The following CLCN4 variants were observed in gnomAD, a reference collection of about 807,000 sequenced individuals.
CLCN4 encodes Cl-/H+ antiporter 4, also known as H(+)/Cl(-) exchange transporter 4.
In CLCN4, 1 loss-of-function variant was observed where a neutral mutation model predicts 41.7. The observed-to-expected ratio is 0.02, with a 90% CI of 0.01 to 0.11. The LOEUF is 0.11. Among genes scored for constraint, CLCN4 ranks in the 10% least tolerant of loss-of-function variants. The pLI is 1.00. For missense variants in CLCN4, 287 were observed against 661.0 expected (o/e 0.43, Z 6.20); for synonymous variants, 277 against 285.8 (o/e 0.97, Z 0.31).
At chrX:10,166,294 C>T (rs1923248314) in intron 2 of CLCN4, among the ~76,000 whole-genome samples, 1 of 112,477 alleles carries the variant, frequency 8.9e-6, no homozygotes, top group Non-Finnish European at 1.9e-5. Flanking sequence ...CCCTTCATCT[C>T]AGACTTCTGG....
rs779080583 is a variant in CLCN4 at position 10,197,980 on chromosome X, A to G, written c.474A>G (p.Leu158=). Residue 158 remains leucine, a synonymous_variant, in exon 6 of 13, where the codon CTA becomes CTG. Coordinates refer to ENST00000380833, the MANE Select transcript of CLCN4 (RefSeq NM_001830.4). ...TTCTGAATTACTTAATGTACATCCT[A>G]TGGGCGCTGCTGTTTGCATTTTTGG... is the stretch of plus-strand genomic sequence containing the variant. ...AYILNYLMYI[L]WALLFAFLAV... is the part of the protein sequence containing the mutation. The G allele has an allele frequency of 1.5e-5, 18 of 1,207,655 alleles. No homozygotes were observed. The highest frequency in any genetic ancestry group is 2.0e-5 in the Non-Finnish European group (18 of 894,018).
At chrX:10,216,918 T>TATATATATATATACACACACAC (rs773265490) in intron 11 of CLCN4, among the ~76,000 whole-genome samples, 886 of 38,782 alleles carry the variant, frequency 0.023, 33 homozygotes, top group South Asian at 0.034. Flanking sequence ...TATATATATA[T>TATATATATATATACACACACAC]ACACACACAC....
chrX:10,187,394 CT>C, intron 3 of CLCN4, 120 bp from the exon 4 acceptor site: 2 of 529,304 alleles, frequency 3.8e-6, no homozygotes, highest in Non-Finnish European at 6.5e-6. Context: ...GGGAATTTAG[CT>C]GCTTGATGAC....
intron 2 of CLCN4, among the ~76,000 whole-genome samples, chrX:10,165,276 G>A (rs1923219104): frequency 8.9e-6 from 1 of 112,838 alleles, no homozygotes; most frequent in Admixed American, 9.3e-5. Context: ...GTAGATGTGA[G>A]ACCGGAGCCT....
intron 11 of CLCN4, among the ~76,000 whole-genome samples, chrX:10,219,394 G>T (rs1427346165): frequency 8.9e-6 from 1 of 112,213 alleles, no homozygotes; most frequent in Non-Finnish European, 1.9e-5. Flanking sequence ...GAATCATCTT[G>T]GTTTAGGAGA....
At chrX:10,216,989 T>C (rs374737653) in intron 11 of CLCN4, among the ~76,000 whole-genome samples, 32 of 98,873 alleles carry the variant, frequency 3.2e-4, no homozygotes, top group African/African-American at 1.1e-3. Flanking sequence ...CAATCTGCTT[T>C]TTCTTCTGTA....
At chrX:10,198,917 T>C (rs752722660) in intron 6 of CLCN4, among the ~76,000 whole-genome samples, 4 of 112,459 alleles carry the variant, frequency 3.6e-5, no homozygotes, top group African/African-American at 1.3e-4. Flanking sequence ...TTTGAAGATG[T>C]AGTTGTGGGC....
In CLCN4 at chrX:10,194,953, C is replaced by T. The variant is rs184264157; in HGVS notation, c.287C>T (p.Thr96Met). 48 of 1,209,478 alleles carry T rather than the reference C, an allele frequency of 4.0e-5. No homozygotes were observed. In the South Asian group the frequency reaches 4.0e-4, roughly 10 times the overall value. ...ATCGATCTCGCCGTGGACTGGATGA[C>T]GGACCTGAAGGAGGGGGTCTGCCTG... Reference protein sequence around the residue: ...GVIDLAVDWMTDLKEGVCLSA... With the variant: ...GVIDLAVDWMMDLKEGVCLSA... Residue 96 changes from threonine to methionine, a missense_variant, in exon 5 of 13, where the codon ACG becomes ATG. Thr to Met is a moderately conservative substitution (Grantham distance 81). Around this residue, in one of 6 missense-constraint regions of CLCN4, gnomAD observed 90 missense variants for 209.8 expected, o/e 0.43. Coordinates refer to ENST00000380833, the MANE Select transcript of CLCN4 (RefSeq NM_001830.4).
At chrX:10,163,653 G>A (rs898320202) in intron 2 of CLCN4, among the ~76,000 whole-genome samples, 7 of 111,687 alleles carry the variant, frequency 6.3e-5, no homozygotes, top group Non-Finnish European at 1.3e-4. Flanking sequence ...GGATGTGCCC[G>A]CCTCGGCCTC....
At chrX:10,164,908 G>A (rs899359893) in intron 2 of CLCN4, among the ~76,000 whole-genome samples, 3 of 112,340 alleles carry the variant, frequency 2.7e-5, no homozygotes, top group African/African-American at 9.7e-5. Context: ...CGGTGGCTCC[G>A]GTGATTCTGG....
chrX:10,208,734 T>A, intron 9 of CLCN4, 144 bp downstream of exon 9: 1 of 475,221 alleles, frequency 2.1e-6, no homozygotes, highest in Non-Finnish European at 3.5e-6. Context: ...TTGACATTCC[T>A]TTAATCAATA....
intron 2 of CLCN4, among the ~76,000 whole-genome samples, chrX:10,181,330 C>G (rs76491332): frequency 0.29 from 30,857 of 106,324 alleles, 3,918 homozygotes; most frequent in African/African-American, 0.47. Flanking sequence ...CTGCACTCTA[C>G]TGTGGGTGAC....
rs1015209935 is a variant in CLCN4, at chrX:10,185,042, G to T, written c.10G>T (p.Ala4Ser). Residue 4 changes from alanine (A) to serine (S), a missense_variant, in exon 3 of 13, where the codon GCG becomes TCG. Transcript: ENST00000380833. ...CCCAGGTGTAATTAGCATGGTCAAT[G>T]CGGGAGCGATGAGTGGCTCTGGAAA... is the stretch of plus-strand genomic sequence containing the variant. MVNAGAMSGSGNLM... is the reference protein window; with the variant it reads MVNSGAMSGSGNLM... 1.7e-6 allele frequency: 2 copies of T among 1,208,053 alleles called. No individual in the cohort carries two copies. Among genetic ancestry groups the T allele is most frequent in the Admixed American group, 2.2e-5 (1 of 45,784 alleles).
intron 2 of CLCN4, among the ~76,000 whole-genome samples, chrX:10,164,143 G>A (rs1045024902): frequency 4.5e-5 from 5 of 112,260 alleles, no homozygotes; most frequent in Admixed American, 2.8e-4. Flanking sequence ...ACGCTGGTCA[G>A]GGAGGGCAAG....
intron 6 of CLCN4, among the ~76,000 whole-genome samples, chrX:10,204,613 C>CTTT (rs61453535): frequency 0.057 from 1,563 of 27,311 alleles, 623 homozygotes; most frequent in Non-Finnish European, 0.11. Flanking sequence ...AGCTAGTAGT[C>CTTT]TTTTTTTTTT....
At chrX:10,224,487 G>A (rs1171118976) in intron 12 of CLCN4, among the ~76,000 whole-genome samples, 2 of 108,881 alleles carry the variant, frequency 1.8e-5, no homozygotes. Context: ...AAAAAAAAAA[G>A]CCAAGGAGCT....
chrX:10,176,741 CT>C (rs1403253455), intron 2 of CLCN4, among the ~76,000 whole-genome samples: 1 of 112,152 alleles, frequency 8.9e-6, no homozygotes, highest in Non-Finnish European at 1.9e-5. Context: ...TGGGGATTAG[CT>C]AATAGAGCAA....
chrX:10,233,793 G>GT lies in CLCN4; in HGVS notation c.*212dup. On this transcript the variant is annotated 3_prime_UTR_variant, in exon 13 of 13. Coordinates refer to ENST00000380833, the MANE Select transcript of CLCN4 (RefSeq NM_001830.4). The stretch of plus-strand genomic sequence containing the variant: ...ATTTTATAGCTTTAACCCCGTATGA[G>GT]TTTCAAGCTGTGTTTCCTAATGAGT... 2.6e-6 allele frequency: 1 copy of GT among 389,502 alleles called. No homozygotes were observed. The highest frequency in any genetic ancestry group is 3.7e-5 in the South Asian group (1 of 26,738). The allele number at this position is 389,502 out of a possible 1,213,427, so 32.1% of individuals were successfully genotyped here. A position where few individuals can be genotyped will look rare whatever the true frequency, so the allele number is the denominator to read the frequency against.
At chrX:10,160,992 G>A (rs959730885) in intron 2 of CLCN4, among the ~76,000 whole-genome samples, 1 of 110,954 alleles carries the variant, frequency 9.0e-6, no homozygotes, top group Non-Finnish European at 1.9e-5. Flanking sequence ...GCAAGGGGGG[G>A]ACATGTTTAC....
Sources: allele counts gnomAD v4.1 joint callset (sites outside exome capture counted in the v4.1 genomes callset), GRCh38; gene constraint gnomAD v4.1.1; regional missense constraint gnomAD v4.1.1; transcripts MANE v1.5; gene names NCBI Gene and HGNC (gene_info 2026-07-23, HGNC 2026-07-21).